The following ZNF618 variants were observed in gnomAD, a reference collection of about 807,000 sequenced individuals.
ZNF618 encodes the protein zinc finger protein 618.
In ZNF618, 34 loss-of-function variants were observed where a neutral mutation model predicts 103.0. The observed-to-expected ratio is 0.33, with a 90% CI of 0.25 to 0.44. The LOEUF (loss-of-function observed/expected upper bound fraction) is 0.44. ZNF618 is among the 20% of genes least tolerant of loss of function. The probability of loss-of-function intolerance (pLI) is 1.00; values close to 1 mark genes in which losing one functional copy is unlikely to be tolerated. For missense variants in ZNF618, 1,059 were observed against 1,295.4 expected (o/e 0.82, Z 2.80); for synonymous variants, 551 against 542.2 (o/e 1.02, Z -0.23).
At chr9:113,920,339 G>A (rs1214045274) in intron 1 of ZNF618, among the ~76,000 whole-genome samples, 1 of 152,066 alleles carries the variant, frequency 6.6e-6, no homozygotes, top group Non-Finnish European at 1.5e-5. Context: ...GTGTGCTGTA[G>A]TGCTTGGGAG....
intron 1 of ZNF618, among the ~76,000 whole-genome samples, chr9:113,936,475 G>T (rs576126364): frequency 2.0e-5 from 3 of 152,352 alleles, no homozygotes; most frequent in Admixed American, 2.0e-4. Flanking sequence ...CAGATTATTT[G>T]CTTCAGTTTG....
At chr9:113,938,380 T>A (rs931981395) in intron 1 of ZNF618, among the ~76,000 whole-genome samples, 1 of 151,214 alleles carries the variant, frequency 6.6e-6, no homozygotes, top group African/African-American at 2.4e-5. Flanking sequence ...AGAGTCTTAC[T>A]ATGTTGCCTG....
chr9:114,022,468 G>A (rs1843152610), intron 10 of ZNF618, among the ~76,000 whole-genome samples: 1 of 151,694 alleles, frequency 6.6e-6, no homozygotes, highest in Admixed American at 6.6e-5. Context: ...ATTTTTTGTT[G>A]CTATTGACTT....
intron 1 of ZNF618, among the ~76,000 whole-genome samples, chr9:113,907,138 G>A (rs1357550653): frequency 2.0e-5 from 3 of 152,230 alleles, no homozygotes; most frequent in Admixed American, 6.5e-5. Flanking sequence ...ATCACAGTGC[G>A]AGGATGGTGT....
In ZNF618 at chr9:114,050,273, C is replaced by T; in HGVS notation, c.*106C>T. 1.5e-6 allele frequency: 2 copies of T among 1,370,488 alleles called. No homozygotes were observed. Among genetic ancestry groups the T allele is most frequent in the African/African-American group, 1.4e-5 (1 of 69,132 alleles). The allele number at this position is 1,370,488 out of a possible 1,614,324, so 84.9% of individuals were successfully genotyped here. A position where few individuals can be genotyped will look rare whatever the true frequency, so the allele number is the denominator to read the frequency against. On this transcript the variant is annotated 3_prime_UTR_variant, in exon 15 of 15. Transcript: ENST00000374126. The stretch of plus-strand genomic sequence containing the variant: ...GAATTTAAGTTCTAAACACTGTGGA[C>T]CTCATTATAAATGCCCCCTGGAAAC...
intron 11 of ZNF618, among the ~76,000 whole-genome samples, chr9:114,032,385 T>C (rs536906873): frequency 6.6e-6 from 1 of 152,226 alleles, no homozygotes; most frequent in East Asian, 1.9e-4. Flanking sequence ...CTGGATTTCA[T>C]CTTTGTGTTT....
At chr9:113,928,501 C>A (rs1361290803) in intron 1 of ZNF618, among the ~76,000 whole-genome samples, 1 of 152,136 alleles carries the variant, frequency 6.6e-6, no homozygotes, top group South Asian at 2.1e-4. Flanking sequence ...AAAGCCAGAC[C>A]TGACGTATCT....
intron 1 of ZNF618, among the ~76,000 whole-genome samples, chr9:113,952,820 A>T (rs1437585322): frequency 1.3e-5 from 2 of 152,216 alleles, no homozygotes; most frequent in Non-Finnish European, 2.9e-5. Flanking sequence ...CAGACTTGCC[A>T]TGCAGTTGGA....
At chr9:113,907,652 C>T (rs963398555) in intron 1 of ZNF618, among the ~76,000 whole-genome samples, 1 of 152,074 alleles carries the variant, frequency 6.6e-6, no homozygotes, top group African/African-American at 2.4e-5. Flanking sequence ...TTGTCCAGGA[C>T]CCCCCCGCAT....
intron 3 of ZNF618, among the ~76,000 whole-genome samples, chr9:113,995,000 C>A (rs972698916): frequency 6.6e-6 from 1 of 151,478 alleles, no homozygotes; most frequent in African/African-American, 2.4e-5. Flanking sequence ...CAAGGGAATC[C>A]AAACACTACC....
intron 7 of ZNF618, 43 bp downstream of exon 7, chr9:114,007,482 C>A: frequency 6.3e-7 from 1 of 1,594,766 alleles, no homozygotes; most frequent in South Asian, 1.1e-5. Context: ...CCAAGAGGCG[C>A]CCTTCCTTGG....
intron 1 of ZNF618, among the ~76,000 whole-genome samples, chr9:113,891,630 G>A (rs1260353279): frequency 6.6e-6 from 1 of 152,106 alleles, no homozygotes; most frequent in Non-Finnish European, 1.5e-5. Flanking sequence ...AAAATTCAAA[G>A]CAAGGTCTCA....
intron 2 of ZNF618, among the ~76,000 whole-genome samples, chr9:113,988,061 C>T (rs997002743): frequency 1.6e-4 from 24 of 152,220 alleles, no homozygotes; most frequent in African/African-American, 5.8e-4. Context: ...CTCTTGAGAC[C>T]TCAGCTTCCC....
rs993039077 is a variant in ZNF618 at position 114,008,212 on chromosome 9, C to T, written c.641-132C>T. ...GGGCTTCCACAGTGGCCACGGCAGCCCTCCTGGGCCCCAAGGCAAACCCAT... is the reference window on the plus strand; with the variant it reads ...GGGCTTCCACAGTGGCCACGGCAGCTCTCCTGGGCCCCAAGGCAAACCCAT... On this transcript the variant is annotated intron_variant, in intron 7 of 14. Coordinates refer to ENST00000374126, the MANE Select transcript of ZNF618 (RefSeq NM_001318042.2). 3.1e-6 allele frequency: 4 copies of T among 1,282,108 alleles called. No homozygotes were observed. In the African/African-American group the frequency reaches 4.4e-5, roughly 14 times the overall value. The allele number at this position is 1,282,108 out of a possible 1,614,324, so 79.4% of individuals were successfully genotyped here. A position where few individuals can be genotyped will look rare whatever the true frequency, so the allele number is the denominator to read the frequency against.
chr9:113,991,092 G>T (rs1480896075), intron 3 of ZNF618, among the ~76,000 whole-genome samples: 1 of 152,244 alleles, frequency 6.6e-6, no homozygotes, highest in Non-Finnish European at 1.5e-5. Context: ...TCTGGATTCA[G>T]TGGGGAAAGC....
At chr9:113,926,259 G>A (rs1432457428) in intron 1 of ZNF618, among the ~76,000 whole-genome samples, 1 of 150,596 alleles carries the variant, frequency 6.6e-6, no homozygotes, top group Non-Finnish European at 1.5e-5. Flanking sequence ...CTTCTTATAA[G>A]TAAGGTTTTT....
chr9:114,018,815 G>T (rs888143244), intron 10 of ZNF618, among the ~76,000 whole-genome samples: 1 of 152,138 alleles, frequency 6.6e-6, no homozygotes, highest in Non-Finnish European at 1.5e-5. Context: ...ACCTACTGAA[G>T]TCTGGGGACT....
intron 1 of ZNF618, among the ~76,000 whole-genome samples, chr9:113,959,902 C>T (rs925453924): frequency 1.3e-5 from 2 of 152,232 alleles, no homozygotes; most frequent in Admixed American, 1.3e-4. Flanking sequence ...AGCCACCACG[C>T]CCGGCCCCCT....
chr9:113,974,980 G>C (rs1223581088), intron 2 of ZNF618, among the ~76,000 whole-genome samples: 1 of 152,158 alleles, frequency 6.6e-6, no homozygotes, highest in African/African-American at 2.4e-5. Flanking sequence ...TGACGATTAG[G>C]TGTAATAATA....
Sources: gnomAD v4.1 joint callset for allele counts (sites outside exome capture counted in the v4.1 genomes callset) on GRCh38, gnomAD v4.1.1 for gene constraint, MANE v1.5 for transcripts, NCBI Gene and HGNC (gene_info 2026-07-23, HGNC 2026-07-21) for gene names.